The following DAB1 variants were observed in gnomAD, a reference collection of about 807,000 sequenced individuals.
DAB1 encodes the protein DAB adaptor protein 1.
Under a neutral mutation model 64.6 loss-of-function variants are expected in DAB1, and 15 were observed. That is an observed-to-expected ratio of 0.23 (90% CI 0.16 to 0.36). DAB1 has a LOEUF of 0.36. Among genes scored for constraint, DAB1 ranks in the 10% least tolerant of loss-of-function variants. DAB1 has a pLI of 1.00. For synonymous variants in DAB1, 235 were observed against 251.9 expected, an observed-to-expected ratio of 0.93 and a Z score of 0.64; for missense variants, 596 against 706.7, an observed-to-expected ratio of 0.84 and a Z score of 1.78.
chr1:57,111,539 T>C (rs1384379717), intron 4 of DAB1, among the ~76,000 whole-genome samples: 1 of 152,160 alleles, frequency 6.6e-6, no homozygotes, highest in Non-Finnish European at 1.5e-5. Context: ...TTCCCTCTAA[T>C]TTTTTCATTC....
rs149255383 is a variant in DAB1 at position 58,048,867 on chromosome 1, C to T, written n.387+101644G>A. The T allele has an allele frequency of 1.2e-3, 1,128 of 954,506 alleles. 13 individuals are homozygous for T. In the African/African-American group the frequency reaches 0.015, roughly 13 times the overall value. The allele number at this position is 954,506 out of a possible 1,614,324, so 59.1% of individuals were successfully genotyped here. ...CAAAGGCAAAGCCCCTTTTTCTTTG[C>T]CACTGCCTCAGTCAGTCATGATTTC... is the stretch of plus-strand genomic sequence containing the variant. On this transcript the variant is annotated intron_variant and non_coding_transcript_variant, in intron 5 of 20. Transcript: ENST00000485760.
intron 1 of DAB1, among the ~76,000 whole-genome samples, chr1:57,411,867 G>C (rs1457087787): frequency 6.6e-6 from 1 of 152,188 alleles, no homozygotes; most frequent in African/African-American, 2.4e-5. Context: ...GAAGCACCTA[G>C]TACAGACATA....
intron 5 of DAB1, among the ~76,000 whole-genome samples, chr1:57,927,550 T>C (rs567991017): frequency 6.6e-6 from 1 of 152,156 alleles, no homozygotes; most frequent in South Asian, 2.1e-4. Flanking sequence ...AAACCAACCA[T>C]TTATGCAATG....
At chr1:57,073,121 C>G (rs78095543) in intron 4 of DAB1, among the ~76,000 whole-genome samples, 1 of 152,174 alleles carries the variant, frequency 6.6e-6, no homozygotes, top group Non-Finnish European at 1.5e-5. Context: ...CTTCTGTCTC[C>G]CTGGAGAAAT....
At chr1:57,716,915 G>C (rs3131720) in intron 6 of DAB1, among the ~76,000 whole-genome samples, 67,623 of 151,976 alleles carry the variant, frequency 0.44, 17,211 homozygotes, top group African/African-American at 0.71. Context: ...TTAAAATGGG[G>C]AAAAGACTTA....
intron 4 of DAB1, among the ~76,000 whole-genome samples, chr1:58,219,637 T>G (rs1469208237): frequency 6.6e-6 from 1 of 152,178 alleles, no homozygotes; most frequent in African/African-American, 2.4e-5. Context: ...CAATTTCTAC[T>G]TCTCTTCCGC....
chr1:57,532,253 T>C (rs915387604), intron 7 of DAB1, among the ~76,000 whole-genome samples: 1 of 73,290 alleles, frequency 1.4e-5, no homozygotes, highest in African/African-American at 4.0e-5. Flanking sequence ...GTGGAGATTC[T>C]CAAAGTAAGT....
At chr1:58,086,322 T>C (rs984722338) in intron 5 of DAB1, among the ~76,000 whole-genome samples, 1 of 152,114 alleles carries the variant, frequency 6.6e-6, no homozygotes, top group Non-Finnish European at 1.5e-5. Context: ...ACCTAACACA[T>C]TTAAAGGCAG....
At chr1:57,931,726 T>G (rs1191644176) in intron 5 of DAB1, among the ~76,000 whole-genome samples, 2 of 152,204 alleles carry the variant, frequency 1.3e-5, no homozygotes, top group Non-Finnish European at 2.9e-5. Context: ...TTGCAATTTG[T>G]GTCCTTTGTC....
At chr1:58,415,091 G>T (rs79206439) in intron 3 of DAB1, among the ~76,000 whole-genome samples, 5,082 of 152,154 alleles carry the variant, frequency 0.033, 106 homozygotes, top group African/African-American at 0.063. Flanking sequence ...GCTGAGGTCA[G>T]GAAGGTTGGG....
At chr1:58,395,226 G>T (rs1324985521) in intron 3 of DAB1, among the ~76,000 whole-genome samples, 1 of 152,166 alleles carries the variant, frequency 6.6e-6, no homozygotes, top group Non-Finnish European at 1.5e-5. Flanking sequence ...GGGGTTCAGT[G>T]GGGCTTGCCC....
At chr1:57,991,317 T>C (rs921254087) in intron 5 of DAB1, among the ~76,000 whole-genome samples, 3 of 152,162 alleles carry the variant, frequency 2.0e-5, no homozygotes, top group Non-Finnish European at 4.4e-5. Context: ...AGTCAACTTC[T>C]TGTGGGTGAC....
intron 13 of DAB1, 64 bp from the exon 14 acceptor site, chr1:57,010,854 C>A: frequency 8.3e-7 from 1 of 1,212,110 alleles, no homozygotes; most frequent in Non-Finnish European, 1.2e-6. Flanking sequence ...ATATAAGACA[C>A]CTGGATATAC....
chr1:57,781,094 C>A (rs1650048929), intron 6 of DAB1, among the ~76,000 whole-genome samples: 1 of 45,150 alleles, frequency 2.2e-5, no homozygotes, highest in Non-Finnish European at 4.7e-5. Flanking sequence ...CATTCTCTCT[C>A]TCTCTCTCTC....
At chr1:57,398,156 G>T (rs926191064) in intron 1 of DAB1, among the ~76,000 whole-genome samples, 18 of 152,216 alleles carry the variant, frequency 1.2e-4, no homozygotes, top group African/African-American at 4.3e-4. Flanking sequence ...ACTATCGAGT[G>T]CACCCTTTGA....
At chr1:58,443,473 T>C (rs1271168153) in intron 3 of DAB1, among the ~76,000 whole-genome samples, 1 of 152,222 alleles carries the variant, frequency 6.6e-6, no homozygotes, top group African/African-American at 2.4e-5. Context: ...TGGTAGTCTT[T>C]GGACTAGACC....
At chr1:57,783,641 G>A (rs1215033827) in intron 6 of DAB1, among the ~76,000 whole-genome samples, 2 of 152,088 alleles carry the variant, frequency 1.3e-5, no homozygotes, top group Admixed American at 6.6e-5. Context: ...ACCCTGTGTT[G>A]AGCAATTCTA....
chr1:57,173,495 C>T (rs906841697), intron 2 of DAB1, among the ~76,000 whole-genome samples: 18 of 152,122 alleles, frequency 1.2e-4, no homozygotes, highest in African/African-American at 4.1e-4. Context: ...GGGTGCCAGT[C>T]ACAAAATATC....
At position 56,995,991 on chromosome 1, in the gene DAB1, A is replaced by G. The variant is rs1296971828; in HGVS notation, c.*2153T>C. Reference sequence around the variant, plus strand: ...TTTTCTGGTTCTTCGGACCTTCCACATTAGGATGATATTGACATATATTCT... The same window carrying G: ...TTTTCTGGTTCTTCGGACCTTCCACGTTAGGATGATATTGACATATATTCT... On this transcript the variant is annotated 3_prime_UTR_variant, in exon 15 of 15. Coordinates refer to ENST00000371236, the MANE Select transcript of DAB1 (RefSeq NM_001365792.1). 6.6e-6 allele frequency: 1 copy of G among 152,156 alleles called. No individual in the cohort carries two copies. The highest frequency in any genetic ancestry group is 1.5e-5 in the Non-Finnish European group (1 of 68,026). The allele number at this position is 152,156 out of a possible 1,614,324, so 9.4% of individuals were successfully genotyped here.
Sources: allele counts gnomAD v4.1 joint callset (sites outside exome capture counted in the v4.1 genomes callset), GRCh38; gene constraint gnomAD v4.1.1; transcripts MANE v1.5; gene names NCBI Gene and HGNC (gene_info 2026-07-23, HGNC 2026-07-21).